The following MYO18A variants were observed in gnomAD, a reference collection of about 807,000 sequenced individuals.
The protein encoded by MYO18A is unconventional myosin-XVIIIa.
MYO18A carries 78 observed loss-of-function variants against 235.8 expected under a neutral mutation model. That is an observed-to-expected ratio of 0.33 (90% CI 0.28 to 0.40). The LOEUF (loss-of-function observed/expected upper bound fraction) is 0.40, where lower values mean the gene tolerates loss of function less well. MYO18A is among the 10% of genes least tolerant of loss of function. MYO18A has a pLI of 1.00. For missense variants in MYO18A, 2,215 were observed against 2,699.3 expected (o/e 0.82, Z 3.98); for synonymous variants, 977 against 1,077.8 (o/e 0.91, Z 1.83).
chr17:29,093,993 G>T lies in MYO18A; in HGVS notation c.4808C>A (p.Ser1603Ter). 6.2e-7 allele frequency: 1 copy of T among 1,608,898 alleles called. No homozygotes were observed. The highest frequency in any genetic ancestry group is 1.1e-5 in the South Asian group (1 of 89,702). ...CAGATACCTTACCTTCTTCTGACACGACTGCCGGGCCTCCTCCACCTCCTC... is the reference window on the plus strand; with the variant it reads ...CAGATACCTTACCTTCTTCTGACACTACTGCCGGGCCTCCTCCACCTCCTC... Reference protein sequence around the residue: ...RDEEVEEARQSCQKKLKQMEV... With the variant: ...RDEEVEEARQ Residue 1603 changes from serine (S) to a stop codon, truncating the protein, a stop_gained, in exon 31 of 42, where the codon TCG becomes TAG. Transcript: ENST00000527372. LOFTEE classifies it high-confidence loss of function.
chr17:29,092,529 A>G, intron 33 of MYO18A, 73 bp from the exon 34 acceptor site: 1 of 1,271,004 alleles, frequency 7.9e-7, no homozygotes, highest in Non-Finnish European at 1.1e-6. Flanking sequence ...TGTACAGGAA[A>G]GAGGGAGCTC....
chr17:29,136,250 A>AAT (rs1247592713), intron 2 of MYO18A, among the ~76,000 whole-genome samples: 1,013 of 82,368 alleles, frequency 0.012, 21 homozygotes, highest in African/African-American at 0.034. Context: ...AAAAAAAAAA[A>AAT]ATATATATAT....
intron 41 of MYO18A, chr17:29,077,869 A>C (rs909737996): frequency 1.3e-5 from 2 of 152,206 alleles, no homozygotes; most frequent in African/African-American, 4.8e-5. Flanking sequence ...CTGGGGGTAG[A>C]GGCGCAGTGT....
chr17:29,081,986 T>C (rs1403620271), intron 41 of MYO18A, among the ~76,000 whole-genome samples: 1 of 152,212 alleles, frequency 6.6e-6, no homozygotes, highest in Non-Finnish European at 1.5e-5. Flanking sequence ...GAGTCCCCTG[T>C]GCCCCATCCC....
chr17:29,098,703 T>C, intron 23 of MYO18A, 123 bp downstream of exon 23: 1 of 1,354,982 alleles, frequency 7.4e-7, no homozygotes, highest in Non-Finnish European at 1.0e-6. Flanking sequence ...CATCTTCTAT[T>C]TGATGAGCAC....
chr17:29,107,359 GA>G, intron 19 of MYO18A, 170 bp from the exon 20 acceptor site: 1 of 628,172 alleles, frequency 1.6e-6, no homozygotes, highest in Non-Finnish European at 2.8e-6. Flanking sequence ...GGTAGGCAGG[GA>G]AGAGGAAGAG....
At chr17:29,084,692 T>C (rs2152732229) in intron 40 of MYO18A, among the ~76,000 whole-genome samples, 1 of 152,244 alleles carries the variant, frequency 6.6e-6, no homozygotes, top group Admixed American at 6.5e-5. Context: ...CACTATTACA[T>C]TTATCATTAG....
In MYO18A at chr17:29,104,139, T is replaced by C. The variant is rs1598306713; in HGVS notation, c.3442-475A>G. ...TAGAGAGGGGGCTGAAGCCAAAGCA[T>C]GTGGAGCCCCATGTGCTTCGGGAGC... is the stretch of plus-strand genomic sequence containing the variant. On this transcript the variant is annotated intron_variant, in intron 20 of 41. Coordinates refer to ENST00000527372, the MANE Select transcript of MYO18A (RefSeq NM_078471.4). 3.9e-5 allele frequency among the ~76,000 whole-genome samples: 6 copies of C among 152,234 alleles called. 1 individual carries two copies. In the South Asian group the frequency reaches 1.2e-3, roughly 32 times the overall value.
chr17:29,092,257 A>T (rs533756992), intron 34 of MYO18A, 86 bp downstream of exon 34: 1 of 957,304 alleles, frequency 1.0e-6, no homozygotes, highest in Non-Finnish European at 1.6e-6. Flanking sequence ...ACGTGGAGGG[A>T]CCTGTCTAGG....
chr17:29,134,310 T>G (rs1261671933), intron 2 of MYO18A, among the ~76,000 whole-genome samples: 1 of 152,132 alleles, frequency 6.6e-6, no homozygotes, highest in Non-Finnish European at 1.5e-5. Flanking sequence ...CTCGAACTCT[T>G]GACCTCAGGT....
intron 27 of MYO18A, 113 bp from the exon 28 acceptor site, chr17:29,097,028 G>A (rs952704871): frequency 1.1e-5 from 15 of 1,390,520 alleles, no homozygotes; most frequent in East Asian, 2.5e-5. Context: ...GGAGGAAGTC[G>A]GGTCTCCCAG....
chr17:29,148,966 G>A (rs1170563584), intron 2 of MYO18A, among the ~76,000 whole-genome samples: 1 of 152,224 alleles, frequency 6.6e-6, no homozygotes, highest in East Asian at 1.9e-4. Flanking sequence ...AGGGGGTGGG[G>A]CCAAGCCCAG....
chr17:29,148,582 TTGTGTG>T (rs10535921), intron 2 of MYO18A, among the ~76,000 whole-genome samples: 11,470 of 148,814 alleles, frequency 0.077, 572 homozygotes, highest in South Asian at 0.16. Flanking sequence ...CTTTATTCTT[TTGTGTG>T]TGTGTGTGTG....
chr17:29,146,701 G>C (rs1403132363), intron 2 of MYO18A, among the ~76,000 whole-genome samples: 1 of 152,204 alleles, frequency 6.6e-6, no homozygotes, highest in Non-Finnish European at 1.5e-5. Flanking sequence ...GCCATTACTT[G>C]TCTGAGGACC....
At chr17:29,090,970 T>A in intron 34 of MYO18A, 44 bp from the exon 35 acceptor site, 2 of 1,518,824 alleles carry the variant, frequency 1.3e-6, no homozygotes, top group East Asian at 4.5e-5. Context: ...AGGCCCAGTG[T>A]GCCTGTGGGC....
At chr17:29,135,282 T>C (rs1232270649) in intron 2 of MYO18A, among the ~76,000 whole-genome samples, 1 of 151,962 alleles carries the variant, frequency 6.6e-6, no homozygotes, top group Non-Finnish European at 1.5e-5. Context: ...TTGTATTTTT[T>C]TAGTAGAGGC....
chr17:29,127,364 A>G (rs1339381710), intron 2 of MYO18A, among the ~76,000 whole-genome samples: 1 of 152,214 alleles, frequency 6.6e-6, no homozygotes, highest in Non-Finnish European at 1.5e-5. Context: ...ATACTGCCAC[A>G]CCCAGGGTAT....
chr17:29,119,550 T>G, intron 7 of MYO18A, 115 bp from the exon 8 acceptor site: 1 of 595,516 alleles, frequency 1.7e-6, no homozygotes, highest in Non-Finnish European at 2.7e-6. Flanking sequence ...AACAAGCAGC[T>G]GCATTTTTTT....
At chr17:29,107,223 C>A in intron 19 of MYO18A, 34 bp from the exon 20 acceptor site, 1 of 1,600,418 alleles carries the variant, frequency 6.2e-7, no homozygotes, top group Non-Finnish European at 8.6e-7. Flanking sequence ...GGCCTGTCAA[C>A]GCCACCTGCT....
Sources: gnomAD v4.1 joint callset for allele counts (sites outside exome capture counted in the v4.1 genomes callset) on GRCh38, gnomAD v4.1.1 for gene constraint, MANE v1.5 for transcripts, NCBI Gene and HGNC (gene_info 2026-07-23, HGNC 2026-07-21) for gene names.